The following MCM3AP variants were observed in gnomAD, a reference collection of about 807,000 sequenced individuals.
MCM3AP encodes the protein germinal-center associated nuclear protein.
Under a neutral mutation model 184.1 loss-of-function variants are expected in MCM3AP, and 126 were observed. The ratio of observed to expected loss-of-function variants is 0.68; its 90% CI spans 0.59 to 0.79. MCM3AP has a LOEUF of 0.79. MCM3AP is among the 30% of genes least tolerant of loss of function. The probability of loss-of-function intolerance (pLI) is 0.00; values close to 1 mark genes in which losing one functional copy is unlikely to be tolerated. For synonymous variants in MCM3AP, 1,002 were observed against 979.3 expected (o/e 1.02, Z -0.43); for missense variants, 2,496 against 2,479.2 (o/e 1.01, Z -0.14).
At chr21:46,250,634 T>A (rs547046534) in intron 20 of MCM3AP, 14 of 152,296 alleles carry the variant, frequency 9.2e-5, no homozygotes, top group African/African-American at 2.6e-4. Flanking sequence ...AAGTGAATCC[T>A]GACACAAGCT....
chr21:46,249,727 C>T (rs958819942), intron 20 of MCM3AP: 4 of 390,930 alleles, frequency 1.0e-5, no homozygotes, highest in African/African-American at 6.3e-5. Flanking sequence ...TGAGCAAGCA[C>T]CTGGCCTGTG....
intron 20 of MCM3AP, among the ~76,000 whole-genome samples, chr21:46,247,457 C>G (rs930101200): frequency 4.9e-5 from 2 of 40,994 alleles, no homozygotes; most frequent in Admixed American, 5.5e-4. Flanking sequence ...ACGATCTCAG[C>G]TCCCTGCAAT....
intron 19 of MCM3AP, chr21:46,251,982 C>T (rs2080878899): frequency 9.1e-6 from 2 of 220,576 alleles, no homozygotes; most frequent in Non-Finnish European, 9.0e-6. Context: ...AAACCTGCCT[C>T]AGTAGCTGAG....
chr21:46,283,576 C>A, intron 2 of MCM3AP, 39 bp downstream of exon 2: 1 of 1,421,036 alleles, frequency 7.0e-7, no homozygotes, highest in Non-Finnish European at 9.9e-7. Context: ...TGACAAGGTT[C>A]AAATCTAGGG....
chr21:46,245,860 C>T (rs985608461), intron 22 of MCM3AP, among the ~76,000 whole-genome samples: 3 of 152,160 alleles, frequency 2.0e-5, no homozygotes, highest in Non-Finnish European at 4.4e-5. Flanking sequence ...ATTCAGAGGA[C>T]AATTACCCTA....
rs912458895 is a variant in MCM3AP at position 46,243,349 on chromosome 21, G to C, written c.5296+116C>G. 9.7e-6 allele frequency: 12 copies of C among 1,239,520 alleles called. No individual in the cohort carries two copies. The Admixed American group carries it at 2.8e-4, about 29-fold the overall frequency. The allele number at this position is 1,239,520 out of a possible 1,614,324, so 76.8% of individuals were successfully genotyped here. ...CTTGAAGAGGGAAGTCCTAAGGAAA[G>C]GAAGGATAGAGACCCAAAAGAAAAG... On this transcript the variant is annotated intron_variant, in intron 24 of 27. Coordinates refer to ENST00000291688, the MANE Select transcript of MCM3AP (RefSeq NM_003906.5).
intron 18 of MCM3AP, 63 bp from the exon 19 acceptor site, chr21:46,254,589 C>T (rs1272448779): frequency 2.1e-5 from 33 of 1,592,772 alleles, no homozygotes; most frequent in Non-Finnish European, 2.8e-5. Context: ...GCAGCACACA[C>T]ATCCTATGAG....
At chr21:46,242,721 T>C in intron 25 of MCM3AP, 81 bp downstream of exon 25, 2 of 1,423,412 alleles carry the variant, frequency 1.4e-6, no homozygotes, top group Non-Finnish European at 9.6e-7. Context: ...GGATTTGGCA[T>C]GTAGGATGTT....
Position 46,254,835 on chromosome 21 carries a change from C to T in MCM3AP, c.3942G>A (p.Arg1314=). 1.4e-5 allele frequency: 22 copies of T among 1,613,856 alleles called. No homozygotes were observed. The highest frequency in any genetic ancestry group is 1.7e-5 in the Non-Finnish European group (20 of 1,179,804). ...RLGISCTRLR[R]LRNKTAHQMK... Reference sequence around the variant, plus strand: ...TCTGGTGAGCTGTCTTGTTTCTGAGCCGCCTTAACCTGCAAAGGAAAGCAG... The same window carrying T: ...TCTGGTGAGCTGTCTTGTTTCTGAGTCGCCTTAACCTGCAAAGGAAAGCAG... Residue 1314 remains arginine (R), a synonymous_variant, in exon 18 of 28, where the codon CGG becomes CGA. Coordinates refer to ENST00000291688, the MANE Select transcript of MCM3AP (RefSeq NM_003906.5).
chr21:46,280,679 C>T, intron 2 of MCM3AP, 104 bp from the exon 3 acceptor site: 1 of 741,526 alleles, frequency 1.3e-6, no homozygotes, highest in Non-Finnish European at 2.4e-6. Context: ...TTCAAAGGCA[C>T]CAGGAGCTCC....
chr21:46,254,750 G>T, intron 18 of MCM3AP, 26 bp downstream of exon 18: 1 of 1,603,526 alleles, frequency 6.2e-7, no homozygotes. Context: ...ACCAGGGGGT[G>T]CGCAGAAGGG....
chr21:46,270,013 G>A (rs893866343), intron 9 of MCM3AP, among the ~76,000 whole-genome samples: 2 of 152,194 alleles, frequency 1.3e-5, no homozygotes, highest in African/African-American at 2.4e-5. Flanking sequence ...GGAACTTAGC[G>A]CCATCAGCCT....
intron 10 of MCM3AP, 26 bp from the exon 11 acceptor site, chr21:46,266,192 AG>A (rs768360201): frequency 6.3e-7 from 1 of 1,579,068 alleles, no homozygotes; most frequent in African/African-American, 1.3e-5. Context: ...AAGACCCCCG[AG>A]GGGTGTCACC....
At position 46,244,964 on chromosome 21, in the gene MCM3AP, C is replaced by G; in HGVS notation, c.4881G>C (p.Gln1627His). ...TGACAGGCCAGGACAGGTCACACAG[C>G]TGTTCAGAGGACACCACAGAAGCCA... ...QFLASVVSSE[Q>H]LCDLSWPVTE... Residue 1627 changes from glutamine (Q) to histidine (H), a missense_variant, in exon 23 of 28, where the codon CAG becomes CAC. Around this residue, in one of 5 missense-constraint regions of MCM3AP, gnomAD observed 1,323 missense variants for 1,273.4 expected, o/e 1.04. Coordinates refer to ENST00000291688, the MANE Select transcript of MCM3AP (RefSeq NM_003906.5). 1.9e-6 allele frequency: 3 copies of G among 1,614,202 alleles called. No individual in the cohort carries two copies. The highest frequency in any genetic ancestry group is 1.1e-5 in the South Asian group (1 of 91,080).
In MCM3AP at chr21:46,285,530, G is replaced by A; in HGVS notation, c.-244C>T. The A allele has an allele frequency of 2.0e-6, 1 of 497,120 alleles. No homozygotes were observed. Among genetic ancestry groups the A allele is most frequent in the Non-Finnish European group, 3.6e-6 (1 of 281,060 alleles). 30.8% of individuals were successfully genotyped at this position (497,120 alleles called of 1,614,324 possible). On this transcript the variant is annotated 5_prime_UTR_variant, in exon 1 of 28. Coordinates refer to ENST00000291688, the MANE Select transcript of MCM3AP (RefSeq NM_003906.5). ...GGTTATTATTTTCTGAGAGCCGATA[G>A]GTTATTTTGTTGGAGGGTGGGGTAG...
chr21:46,284,979 G>A lies in MCM3AP; in HGVS notation c.308C>T (p.Ser103Phe), dbSNP rs868694021. The A allele has an allele frequency of 1.2e-6, 2 of 1,614,174 alleles. No homozygotes were observed. Among genetic ancestry groups the A allele is most frequent in the Non-Finnish European group, 1.7e-6 (2 of 1,180,048 alleles). Residue 103 changes from serine (S) to phenylalanine (F), a missense_variant, in exon 1 of 28, where the codon TCT (serine) becomes TTT (phenylalanine). Transcript: ENST00000291688. ...FVATSGPSSS[S>F]VLGNTGFSFK... ...ACTAAATCCTGTGTTTCCCAGCACAGATGAACTTGAAGGCCCAGAGGTAGC... is the reference window on the plus strand; with the variant it reads ...ACTAAATCCTGTGTTTCCCAGCACAAATGAACTTGAAGGCCCAGAGGTAGC...
At chr21:46,259,752 A>G (rs1383130010) in intron 15 of MCM3AP, among the ~76,000 whole-genome samples, 3 of 151,968 alleles carry the variant, frequency 2.0e-5, no homozygotes, top group Non-Finnish European at 2.9e-5. Context: ...CTCTACTAAA[A>G]ATATGAAAAA....
At chr21:46,266,471 G>C in intron 10 of MCM3AP, 1 of 288,690 alleles carries the variant, frequency 3.5e-6, no homozygotes, top group Non-Finnish European at 6.4e-6. Flanking sequence ...GAAGGAGACA[G>C]AACTGGAAGG....
Position 46,284,145 on chromosome 21 carries a change from T to C in MCM3AP, c.1142A>G (p.Asn381Ser), listed in dbSNP as rs1018391647. ...ESDHMAIPGG[N>S]QSVLAPSRIP... The stretch of plus-strand genomic sequence containing the variant: ...CCGGGAAGGTGCCAGGACAGACTGA[T>C]TCCCTCCTGGGATAGCCATGTGGTC... Residue 381 changes from asparagine (N) to serine (S), a missense_variant, in exon 1 of 28, where the codon AAT (asparagine) becomes AGT (serine). Transcript: ENST00000291688. 4 of 1,614,104 alleles carry C rather than the reference T, an allele frequency of 2.5e-6. No homozygotes were observed. The African/African-American group carries it at 5.3e-5, about 22-fold the overall frequency.
Sources: gnomAD v4.1 joint callset for allele counts (sites outside exome capture counted in the v4.1 genomes callset) on GRCh38, gnomAD v4.1.1 for gene constraint, gnomAD v4.1.1 regional missense constraint, MANE v1.5 for transcripts, NCBI Gene and HGNC (gene_info 2026-07-23, HGNC 2026-07-21) for gene names.